CSMD1: variants seen among roughly 807,000 people sequenced by gnomAD.
CSMD1 encodes the protein CUB and Sushi multiple domains 1.
CSMD1 carries 213 observed loss-of-function variants against 417.5 expected under a neutral mutation model. The observed-to-expected ratio is 0.51, with a 90% CI of 0.46 to 0.57. The LOEUF is 0.57. Among genes scored for constraint, CSMD1 ranks in the 20% least tolerant of loss-of-function variants. The pLI is 0.00. For missense variants in CSMD1, 6,923 were observed against 4,529.7 expected (o/e 1.53, Z -15.17); for synonymous variants, 2,862 against 1,736.8 (o/e 1.65, Z -16.11).
intron 2 of CSMD1, among the ~76,000 whole-genome samples, chr8:4,548,087 A>C (rs185864616): frequency 1.2e-4 from 19 of 152,256 alleles, no homozygotes; most frequent in Admixed American, 1.2e-3. Flanking sequence ...TAAAGAAGGA[A>C]TTACAGCTTG....
chr8:4,508,639 C>G lies in CSMD1; in HGVS notation c.303-88574G>C, dbSNP rs888908967. 2.6e-5 allele frequency among the ~76,000 whole-genome samples: 4 copies of G among 151,770 alleles called. No homozygotes were observed. In the South Asian group the frequency reaches 8.3e-4, roughly 32 times the overall value. ...AGATTGGAAGATGTTTCCTCCTTAC[C>G]AACCCCCACCCTCTGAAAAAATAAT... On this transcript the variant is annotated intron_variant, in intron 2 of 69. Coordinates refer to ENST00000635120, the MANE Select transcript of CSMD1 (RefSeq NM_033225.6).
chr8:4,503,812 C>T (rs983032669), intron 2 of CSMD1, among the ~76,000 whole-genome samples: 1 of 151,984 alleles, frequency 6.6e-6, no homozygotes, highest in African/African-American at 2.4e-5. Flanking sequence ...TTGTCATCAC[C>T]TATGTGCGGC....
At chr8:3,657,148 T>G (rs1284691327) in intron 7 of CSMD1, among the ~76,000 whole-genome samples, 2 of 152,022 alleles carry the variant, frequency 1.3e-5, no homozygotes, top group Non-Finnish European at 2.9e-5. Context: ...AGCATTTGGC[T>G]ACAAAAAAAA....
intron 2 of CSMD1, among the ~76,000 whole-genome samples, chr8:4,586,486 C>G (rs1242845453): frequency 6.6e-6 from 1 of 152,174 alleles, no homozygotes; most frequent in African/African-American, 2.4e-5. Context: ...TGATAAAAAT[C>G]ACACCTAGTT....
chr8:3,750,502 CTTTT>C (rs1056306100), intron 6 of CSMD1, among the ~76,000 whole-genome samples: 1 of 150,958 alleles, frequency 6.6e-6, no homozygotes, highest in Non-Finnish European at 1.5e-5. Flanking sequence ...ATCGACTATG[CTTTT>C]TTTTTGTTTC....
chr8:4,392,797 A>G (rs1803938532), intron 3 of CSMD1, among the ~76,000 whole-genome samples: 2 of 151,560 alleles, frequency 1.3e-5, no homozygotes, highest in Admixed American at 6.6e-5. Flanking sequence ...GTGAAACCCC[A>G]TCTCTAGTAA....
At chr8:3,497,675 G>C (rs1220559966) in intron 10 of CSMD1, among the ~76,000 whole-genome samples, 11 of 152,176 alleles carry the variant, frequency 7.2e-5, no homozygotes, top group Non-Finnish European at 1.2e-4. Context: ...CTTCAGTTTA[G>C]TCTATGCCTT....
At chr8:4,865,132 A>T (rs1384970367) in intron 1 of CSMD1, among the ~76,000 whole-genome samples, 1 of 151,798 alleles carries the variant, frequency 6.6e-6, no homozygotes, top group Non-Finnish European at 1.5e-5. Context: ...TCAAAGTTTT[A>T]TAACATTTTA....
intron 5 of CSMD1, among the ~76,000 whole-genome samples, chr8:3,890,049 G>A (rs988806967): frequency 1.3e-5 from 2 of 152,070 alleles, no homozygotes; most frequent in Non-Finnish European, 2.9e-5. Context: ...AAAAGTTTCT[G>A]AATCCCAATT....
At chr8:3,951,009 G>A (rs1412074351) in intron 5 of CSMD1, among the ~76,000 whole-genome samples, 4 of 152,218 alleles carry the variant, frequency 2.6e-5, no homozygotes, top group Admixed American at 1.3e-4. Flanking sequence ...ACTGAGCCCC[G>A]TTTCTGATCT....
intron 49 of CSMD1, among the ~76,000 whole-genome samples, chr8:3,070,312 T>C (rs1413630069): frequency 2.6e-5 from 4 of 152,240 alleles, no homozygotes; most frequent in Non-Finnish European, 4.4e-5. Context: ...GAAAAAGCTT[T>C]TTTCTTCCTC....
chr8:4,498,936 T>G (rs906303179), intron 2 of CSMD1, among the ~76,000 whole-genome samples: 3 of 152,098 alleles, frequency 2.0e-5, no homozygotes, highest in Admixed American at 1.3e-4. Flanking sequence ...TACATACACA[T>G]GGCCAGTGGT....
chr8:3,139,765 G>A (rs1031301590), intron 41 of CSMD1, among the ~76,000 whole-genome samples: 1 of 152,038 alleles, frequency 6.6e-6, no homozygotes, highest in Non-Finnish European at 1.5e-5. Flanking sequence ...TGCTATTGGG[G>A]AAAATTTCAT....
intron 2 of CSMD1, among the ~76,000 whole-genome samples, chr8:4,623,459 C>G (rs531717094): frequency 1.3e-5 from 2 of 151,990 alleles, no homozygotes; most frequent in Non-Finnish European, 2.9e-5. Context: ...AACATACTAC[C>G]CACCCATTCC....
chr8:3,631,932 C>G (rs1796803159), intron 7 of CSMD1, among the ~76,000 whole-genome samples: 3 of 152,160 alleles, frequency 2.0e-5, no homozygotes, highest in African/African-American at 7.2e-5. Context: ...AGATCACTGC[C>G]TCTTTGTATG....
chr8:4,033,668 C>T lies in CSMD1; in HGVS notation c.416-1569G>A, dbSNP rs552616210. ...GCTGCGTCATGGGCCACTGATGACT[C>T]GTATTTGGCTCAGAATAAATCTCTT... On this transcript the variant is annotated intron_variant, in intron 3 of 69. Transcript: ENST00000635120. Among the ~76,000 whole-genome samples the T allele has an allele frequency of 5.3e-4, 80 of 152,266 alleles. 4 individuals are homozygous for T. In the South Asian group the frequency reaches 0.014, roughly 26 times the overall value.
chr8:3,551,244 G>A (rs1170540203), intron 10 of CSMD1, among the ~76,000 whole-genome samples: 1 of 152,134 alleles, frequency 6.6e-6, no homozygotes, highest in Non-Finnish European at 1.5e-5. Flanking sequence ...AATTTCTCAA[G>A]AAATATTAAC....
intron 5 of CSMD1, among the ~76,000 whole-genome samples, chr8:3,830,557 A>G (rs1307044476): frequency 6.6e-6 from 1 of 152,298 alleles, no homozygotes; most frequent in East Asian, 1.9e-4. Context: ...GCATGTAGAA[A>G]CCCTCCAATA....
chr8:4,626,107 A>C (rs572676134), intron 2 of CSMD1, among the ~76,000 whole-genome samples: 1 of 152,286 alleles, frequency 6.6e-6, no homozygotes, highest in South Asian at 2.1e-4. Flanking sequence ...TGAAAGATTC[A>C]TGTATAGACC....
Sources: gnomAD v4.1 joint callset for allele counts (sites outside exome capture counted in the v4.1 genomes callset) on GRCh38, gnomAD v4.1.1 for gene constraint, MANE v1.5 for transcripts, NCBI Gene and HGNC (gene_info 2026-07-23, HGNC 2026-07-21) for gene names.